The following DNAH10 variants were observed in gnomAD, a reference collection of about 807,000 sequenced individuals.
DNAH10 encodes dynein axonemal heavy chain 10.
In DNAH10, 348 loss-of-function variants were observed where a neutral mutation model predicts 506.6. The ratio of observed to expected loss-of-function variants is 0.69; its 90% CI spans 0.63 to 0.75. DNAH10 has a LOEUF of 0.75. Among genes scored for constraint, DNAH10 ranks in the 30% least tolerant of loss-of-function variants. The pLI is 0.00. For synonymous variants in DNAH10, 2,059 were observed against 2,198.6 expected, an observed-to-expected ratio of 0.94 and a Z score of 1.78; for missense variants, 5,179 against 5,787.1, an observed-to-expected ratio of 0.89 and a Z score of 3.41.
chr12:123,836,763 T>TAA (rs913694585), intron 28 of DNAH10, among the ~76,000 whole-genome samples: 6 of 152,252 alleles, frequency 3.9e-5, no homozygotes, highest in Admixed American at 3.9e-4. Context: ...CTCACGCCTG[T>TAA]AATCCCAGGA....
At chr12:123,774,125 C>T in intron 4 of DNAH10, 24 bp from the exon 5 acceptor site, 1 of 1,514,734 alleles carries the variant, frequency 6.6e-7, no homozygotes, top group South Asian at 1.2e-5. Flanking sequence ...ACTGACCTTA[C>T]ATTCTACACC....
At chr12:123,920,201 T>C (rs1384692763) in intron 65 of DNAH10, among the ~76,000 whole-genome samples, 1 of 152,242 alleles carries the variant, frequency 6.6e-6, no homozygotes, top group Non-Finnish European at 1.5e-5. Flanking sequence ...TGTAACACGG[T>C]TCCCCATCAA....
In DNAH10 at chr12:123,819,133, C is replaced by T. The variant is rs760548849; in HGVS notation, c.3898-15C>T. The T allele has an allele frequency of 1.2e-6, 2 of 1,610,634 alleles. No individual in the cohort carries two copies. Among genetic ancestry groups the T allele is most frequent in the Non-Finnish European group, 1.7e-6 (2 of 1,178,186 alleles). On this transcript the variant is annotated splice_polypyrimidine_tract_variant and intron_variant, in intron 22 of 78. Coordinates refer to ENST00000673944, the MANE Select transcript of DNAH10 (RefSeq NM_001372106.1). ...ACGTATTTGGGCTAAATTAATGTAA[C>T]CTCGTTTTTCTCAGCTTACTCGAGG...
chr12:123,901,403 C>A (rs1953513570), intron 56 of DNAH10, among the ~76,000 whole-genome samples: 1 of 152,236 alleles, frequency 6.6e-6, no homozygotes, highest in African/African-American at 2.4e-5. Flanking sequence ...CCCCTGCTGC[C>A]CCAGGGACAA....
chr12:123,871,793 C>T (rs1952046514), intron 45 of DNAH10, among the ~76,000 whole-genome samples, 191 bp downstream of exon 45: 1 of 152,212 alleles, frequency 6.6e-6, no homozygotes, highest in African/African-American at 2.4e-5. Flanking sequence ...CTGTAGATAC[C>T]TGGAGGCCTG....
rs371005101 is a variant in DNAH10, at chr12:123,819,155, G to A, written c.3905G>A (p.Arg1302Gln). The A allele has an allele frequency of 6.8e-6, 11 of 1,612,978 alleles. No homozygotes were observed. Among genetic ancestry groups the A allele is most frequent in the Non-Finnish European group, 8.5e-6 (10 of 1,179,554 alleles). The change falls in exon 23 of 79, where the codon CGA (arginine) becomes CAA (glutamine). Residue 1302 changes from arginine to glutamine, a missense_variant. Arg to Gln is a conservative substitution (Grantham distance 43). This residue lies in a region of DNAH10 where 4,844 missense variants were observed against 5,430.5 expected (regional missense o/e 0.89). Transcript: ENST00000673944. ...TAACCTCGTTTTTCTCAGCTTACTC[G>A]AGGCGAAATAATGAACTACAGAGTT... Reference protein sequence around the residue: ...DIKRTFTELTRGEIMNYRVQI... With the variant: ...DIKRTFTELTQGEIMNYRVQI...
intron 11 of DNAH10, 35 bp from the exon 12 acceptor site, chr12:123,793,907 G>A (rs934635870): frequency 2.2e-5 from 25 of 1,125,650 alleles, no homozygotes; most frequent in Non-Finnish European, 2.8e-5. Flanking sequence ...GATAATTACA[G>A]GGGCATGAGG....
In DNAH10 at chr12:123,897,964, A is replaced by G. The variant is rs2137237840; in HGVS notation, c.9475A>G (p.Ile3159Val). 6.3e-7 allele frequency: 1 copy of G among 1,583,324 alleles called. No individual in the cohort carries two copies. Among genetic ancestry groups the G allele is most frequent in the Non-Finnish European group, 8.6e-7 (1 of 1,168,318 alleles). Residue 3159 changes from isoleucine (I) to valine (V), a missense_variant, in exon 55 of 79, where the codon ATA (isoleucine) becomes GTA (valine). By Grantham distance (29) the Ile-to-Val change is conservative (BLOSUM62 3). Around this residue, in one of 3 missense-constraint regions of DNAH10, gnomAD observed 4,844 missense variants for 5,430.5 expected, o/e 0.89. Transcript: ENST00000673944. ...GCTGGATGAGAAAACTCAGTGTAATATAGGTAAGCCTTGGGGATGGGGTGG... is the reference window on the plus strand; with the variant it reads ...GCTGGATGAGAAAACTCAGTGTAATGTAGGTAAGCCTTGGGGATGGGGTGG... ...KLLDEKTQCN[I>V]AQCKRLDGGL...
Position 123,869,903 on chromosome 12 carries a change from C to T in DNAH10, c.7520-463C>T, listed in dbSNP as rs566169087. On this transcript the variant is annotated intron_variant, in intron 43 of 78. Coordinates refer to ENST00000673944, the MANE Select transcript of DNAH10 (RefSeq NM_001372106.1). Reference sequence around the variant, plus strand: ...TGCCCCGCCTGGGTTGCTGCCTTCCCGCATTGTCCGTTGTTCCTGCCCCTC... The same window carrying T: ...TGCCCCGCCTGGGTTGCTGCCTTCCTGCATTGTCCGTTGTTCCTGCCCCTC... Among the ~76,000 whole-genome samples, 48 of 152,310 alleles carry T rather than the reference C, an allele frequency of 3.2e-4. No homozygotes were observed. The South Asian group carries it at 3.3e-3, about 11-fold the overall frequency.
At chr12:123,871,434 C>G in intron 44 of DNAH10, 23 bp from the exon 45 acceptor site, 1 of 1,581,866 alleles carries the variant, frequency 6.3e-7, no homozygotes, top group East Asian at 2.3e-5. Flanking sequence ...CTGAGATGCC[C>G]CTGTTCCTAA....
At position 123,928,439 on chromosome 12, in the gene DNAH10, T is replaced by C; in HGVS notation, c.12158T>C (p.Leu4053Pro). The change falls in exon 70 of 79, where the codon CTG becomes CCG. Residue 4053 changes from leucine to proline, a missense_variant. Physicochemically the swap from Leu to Pro is moderately conservative, Grantham distance 98. Transcript: ENST00000673944. The surrounding 1 kb of genome is among the most constrained non-coding windows in gnomAD (Gnocchi z 4.9). The part of the protein sequence containing the change: ...TAVARGQWLM[L>P]QNCHLLVKWL... ...GTGGCTCGGGGGCAGTGGCTGATGC[T>C]GCAGAACTGCCACCTCCTGGTCAAG... 1.2e-6 allele frequency: 2 copies of C among 1,608,502 alleles called. No homozygotes were observed. Among genetic ancestry groups the C allele is most frequent in the Non-Finnish European group, 8.5e-7 (1 of 1,177,988 alleles).
chr12:123,796,785 C>A lies in DNAH10; in HGVS notation c.2116C>A (p.Arg706=). 1 of 1,614,032 alleles carries A rather than the reference C, an allele frequency of 6.2e-7. No homozygotes were observed. Among genetic ancestry groups the A allele is most frequent in the Non-Finnish European group, 8.5e-7 (1 of 1,179,996 alleles). The change falls in exon 13 of 79, where the codon CGA becomes AGA. Residue 706 remains arginine (R), a synonymous_variant. Transcript: ENST00000673944. ...LFFRIKHTIL[R]FQEVQEILDS... is the part of the protein sequence containing the mutation. Reference sequence around the variant, plus strand: ...CTTTCGGATTAAGCATACCATCCTCCGATTTCAAGAGGTACAAGAGATACT... The same window carrying A: ...CTTTCGGATTAAGCATACCATCCTCAGATTTCAAGAGGTACAAGAGATACT...
intron 62 of DNAH10, among the ~76,000 whole-genome samples, chr12:123,915,284 C>A (rs1954425120): frequency 6.6e-6 from 1 of 152,098 alleles, no homozygotes; most frequent in Non-Finnish European, 1.5e-5. Flanking sequence ...GGTCTGGGTG[C>A]TCAGTCACTA....
Position 123,925,841 on chromosome 12 carries a change from T to C in DNAH10, c.11921+637T>C, listed in dbSNP as rs1954918354. 6.6e-6 allele frequency: 1 copy of C among 152,238 alleles called. No individual in the cohort carries two copies. The highest frequency in any genetic ancestry group is 2.4e-5 in the African/African-American group (1 of 41,456). The allele number at this position is 152,238 out of a possible 1,614,324, so 9.4% of individuals were successfully genotyped here. Reference sequence around the variant, plus strand: ...ACCAGGTGCCATTGGGAACCCACAGTGGCTGGATCCTCTGACTCTGAAAGA... The same window carrying C: ...ACCAGGTGCCATTGGGAACCCACAGCGGCTGGATCCTCTGACTCTGAAAGA... On this transcript the variant is annotated intron_variant, in intron 68 of 78. Coordinates refer to ENST00000673944, the MANE Select transcript of DNAH10 (RefSeq NM_001372106.1). The surrounding 1 kb of genome is among the most constrained non-coding windows in gnomAD (Gnocchi z 4.0).
rs79858624 is a variant in DNAH10, at chr12:123,902,885, C to T, written c.9641-54C>T. The T allele has an allele frequency of 9.9e-3, 15,064 of 1,522,242 alleles. 657 individuals carry two copies. In the African/African-American group the frequency reaches 0.13, roughly 13 times the overall value. 94.3% of individuals were successfully genotyped at this position (1,522,242 alleles called of 1,614,324 possible). On this transcript the variant is annotated intron_variant, in intron 56 of 78. Transcript: ENST00000673944. This position sits in a 1 kb window ranked among gnomAD's most constrained non-coding sequence, Gnocchi z 4.5. ...TGCACTCTGCTCAGAGCCGGGGCCG[C>T]GAGTGCATCTCCTCTGAGCCCAAGC... is the stretch of plus-strand genomic sequence containing the variant.
intron 18 of DNAH10, among the ~76,000 whole-genome samples, chr12:123,807,535 G>A (rs1958727758): frequency 6.6e-6 from 1 of 152,100 alleles, no homozygotes; most frequent in Non-Finnish European, 1.5e-5. Flanking sequence ...GCCAAAAACT[G>A]CTGTGAAGAC....
chr12:123,832,957 C>CA lies in DNAH10; in HGVS notation c.4546-155dup, dbSNP rs1254094534. On this transcript the variant is annotated intron_variant, in intron 26 of 78. Transcript: ENST00000673944. ...CACATAGCGAATGCTTGATAAGTGGCAATTATTACCATGACAGAATCCCAA... is the reference window on the plus strand; with the variant it reads ...CACATAGCGAATGCTTGATAAGTGGCAAATTATTACCATGACAGAATCCCAA... Among the ~76,000 whole-genome samples, 6 of 152,136 alleles carry CA rather than the reference C, an allele frequency of 3.9e-5. No individual in the cohort carries two copies. The East Asian group carries it at 9.6e-4, about 24-fold the overall frequency.
chr12:123,856,994 ACAGTC>A, intron 36 of DNAH10, 57 bp from the exon 37 acceptor site: 1 of 1,369,720 alleles, frequency 7.3e-7, no homozygotes, highest in Non-Finnish European at 9.8e-7. Context: ...GGTTGGAAAC[ACAGTC>A]CAAAGCACTG....
chr12:123,811,658 G>C (rs146608621), intron 19 of DNAH10, among the ~76,000 whole-genome samples: 319 of 152,092 alleles, frequency 2.1e-3, no homozygotes, highest in Middle Eastern at 3.4e-3. Flanking sequence ...CCACCACCAC[G>C]CCTGGCTAAT....
Sources: allele counts gnomAD v4.1 joint callset (sites outside exome capture counted in the v4.1 genomes callset), GRCh38; gene constraint gnomAD v4.1.1; regional missense constraint gnomAD v4.1.1; non-coding constraint Gnocchi (gnomAD v3.1); transcripts MANE v1.5; gene names NCBI Gene and HGNC (gene_info 2026-07-23, HGNC 2026-07-21).